MAP3K12: variants seen among roughly 807,000 people sequenced by gnomAD.
The protein encoded by MAP3K12 is mitogen-activated protein kinase kinase kinase 12.
MAP3K12 carries 14 observed loss-of-function variants against 87.5 expected under a neutral mutation model. That is an observed-to-expected ratio of 0.16 (90% CI 0.11 to 0.25). The LOEUF (loss-of-function observed/expected upper bound fraction) is 0.25, where lower values mean the gene tolerates loss of function less well. Among genes scored for constraint, MAP3K12 ranks in the 10% least tolerant of loss-of-function variants. MAP3K12 has a pLI of 1.00. For synonymous variants in MAP3K12, 469 were observed against 452.5 expected (o/e 1.04, Z -0.46); for missense variants, 802 against 1,140.4 (o/e 0.70, Z 4.27).
rs192118403 is a variant in MAP3K12, at chr12:53,496,566, C to T, written c.-38+2861G>A. On this transcript the variant is annotated intron_variant, in intron 1 of 13. Coordinates refer to ENST00000547488, the MANE Select transcript of MAP3K12 (RefSeq NM_001193511.2). ...TCAGATAGACCAGGAAGAAGTTCAG[C>T]GGATGTTAACAAATATAGTTCCTCA... Among the ~76,000 whole-genome samples, 43 of 152,248 alleles carry T rather than the reference C, an allele frequency of 2.8e-4. No homozygotes were observed. The East Asian group carries it at 5.4e-3, about 19-fold the overall frequency.
chr12:53,482,454 AG>A, intron 11 of MAP3K12, 85 bp from the exon 12 acceptor site: 1 of 1,606,040 alleles, frequency 6.2e-7, no homozygotes, highest in South Asian at 1.1e-5. Context: ...ATAGTTACGA[AG>A]GGTGAAGTAG....
chr12:53,501,189 C>G, upstream of MAP3K12: 1 of 581,870 alleles, frequency 1.7e-6, no homozygotes, highest in Non-Finnish European at 3.0e-6. Flanking sequence ...TGCAGCCTGC[C>G]CGGGCGAGCC....
Position 53,482,628 on chromosome 12 carries a change from C to T in MAP3K12, c.2175G>A (p.Arg725=). Residue 725 remains arginine, a synonymous_variant, in exon 11 of 14, where the codon CGG becomes CGA. Coordinates refer to ENST00000547488, the MANE Select transcript of MAP3K12 (RefSeq NM_001193511.2). The part of the protein sequence containing the change: ...REGTSGRGGS[R]AGSQHLTPAA... ...CTGGGGTCAAGTGCTGGGACCCAGCCCGGCTTCCTCCCCGGCCTGAGGTCC... is the reference window on the plus strand; with the variant it reads ...CTGGGGTCAAGTGCTGGGACCCAGCTCGGCTTCCTCCCCGGCCTGAGGTCC... The T allele has an allele frequency of 1.2e-6, 2 of 1,613,886 alleles. No homozygotes were observed. Among genetic ancestry groups the T allele is most frequent in the Non-Finnish European group, 1.7e-6 (2 of 1,180,014 alleles).
At chr12:53,489,759 T>A (rs1175155426) in intron 1 of MAP3K12, among the ~76,000 whole-genome samples, 1 of 152,194 alleles carries the variant, frequency 6.6e-6, no homozygotes, top group Non-Finnish European at 1.5e-5. Context: ...ATAGTTCTTG[T>A]AATAATTACC....
chr12:53,501,381 G>A (rs1943693989), upstream of MAP3K12: 1 of 1,555,646 alleles, frequency 6.4e-7, no homozygotes, highest in South Asian at 1.2e-5. Flanking sequence ...CTGCAGTCAC[G>A]GTGGCGCCCG....
rs1488088229 is a variant in MAP3K12, at chr12:53,486,824, G to T, written c.445+123C>A. The stretch of plus-strand genomic sequence containing the variant: ...GCTGGGAAGTTAGAGGCTGATGGAT[G>T]GCTAAGGGACTAGGGCTGGGCCATG... On this transcript the variant is annotated intron_variant, in intron 2 of 13. Transcript: ENST00000547488. The surrounding 1 kb of genome is among the most constrained non-coding windows in gnomAD (Gnocchi z 4.9). 3 of 1,519,786 alleles carry T rather than the reference G, an allele frequency of 2.0e-6. No individual in the cohort carries two copies. Among genetic ancestry groups the T allele is most frequent in the East Asian group, 2.3e-5 (1 of 43,584 alleles). The allele number at this position is 1,519,786 out of a possible 1,614,324, so 94.1% of individuals were successfully genotyped here.
At position 53,481,129 on chromosome 12, in the gene MAP3K12, A is replaced by G. The variant is rs1943021580; in HGVS notation, c.*53T>C. 3.0e-6 allele frequency: 2 copies of G among 671,240 alleles called. No individual in the cohort carries two copies. The highest frequency in any genetic ancestry group is 4.0e-6 in the Non-Finnish European group (2 of 494,678). The allele number at this position is 671,240 out of a possible 1,614,324, so 41.6% of individuals were successfully genotyped here. A position where few individuals can be genotyped will look rare whatever the true frequency, so the allele number is the denominator to read the frequency against. On this transcript the variant is annotated 3_prime_UTR_variant, in exon 14 of 14. Transcript: ENST00000547488. ...GGCGCATATATATATATATATGTAT[A>G]TATATATAATTTATATAAATATTTC...
chr12:53,497,240 T>TATA (rs778820388), intron 1 of MAP3K12, among the ~76,000 whole-genome samples: 1 of 152,242 alleles, frequency 6.6e-6, no homozygotes, highest in Non-Finnish European at 1.5e-5. Flanking sequence ...GGAAGCTCTC[T>TATA]ATAAGCATTA....
At position 53,482,866 on chromosome 12, in the gene MAP3K12, A is replaced by C; in HGVS notation, c.1937T>G (p.Leu646Arg). 2.5e-6 allele frequency: 4 copies of C among 1,612,914 alleles called. No individual in the cohort carries two copies. The highest frequency in any genetic ancestry group is 3.4e-6 in the Non-Finnish European group (4 of 1,179,622). Residue 646 changes from leucine to arginine, a missense_variant, in exon 11 of 14, where the codon CTG becomes CGG. This residue lies in a region of MAP3K12 where 490 missense variants were observed against 496.6 expected (regional missense o/e 0.99). Transcript: ENST00000547488. ...LRKMSSSSPDLLSAALGSRGR... is the reference protein window; with the variant it reads ...LRKMSSSSPDRLSAALGSRGR... Reference sequence around the variant, plus strand: ...CCGGGACCCTAGTGCTGCTGACAGCAGGTCTGGGGACGATGAAGACATTTT... The same window carrying C: ...CCGGGACCCTAGTGCTGCTGACAGCCGGTCTGGGGACGATGAAGACATTTT...
At position 53,485,130 on chromosome 12, in the gene MAP3K12, C is replaced by A; in HGVS notation, c.1065G>T (p.Val355=). 6.2e-7 allele frequency: 1 copy of A among 1,614,174 alleles called. No individual in the cohort carries two copies. The highest frequency in any genetic ancestry group is 8.5e-7 in the Non-Finnish European group (1 of 1,180,032). ...CGGGCAGATGGAGACTGTTGCTTCC[C>A]ACACCCCAGATAATGGCTGAGGAAT... is the stretch of plus-strand genomic sequence containing the variant. ...DVDSSAIIWG[V]GSNSLHLPVP... is the part of the protein sequence containing the mutation. Residue 355 remains valine (V), a synonymous_variant, in exon 6 of 14, where the codon GTG becomes GTT. Coordinates refer to ENST00000547488, the MANE Select transcript of MAP3K12 (RefSeq NM_001193511.2).
Position 53,486,139 on chromosome 12 carries a change from C to T in MAP3K12, c.738G>A (p.Leu246=). Residue 246 remains leucine, a synonymous_variant, in exon 4 of 14, where the codon CTG becomes CTA. Transcript: ENST00000547488. This position sits in a 1 kb window ranked among gnomAD's most constrained non-coding sequence, Gnocchi z 4.9. Reference sequence around the variant, plus strand: ...CAGCGATGCCCATGGACCAGTCAACCAGTAAGGAGGGGGTGACAGGGCGGC... The same window carrying T: ...CAGCGATGCCCATGGACCAGTCAACTAGTAAGGAGGGGGTGACAGGGCGGC... ...RAGRPVTPSL[L]VDWSMGIAGG... is the part of the protein sequence containing the mutation. 1 of 1,614,160 alleles carries T rather than the reference C, an allele frequency of 6.2e-7. No individual in the cohort carries two copies. Among genetic ancestry groups the T allele is most frequent in the South Asian group, 1.1e-5 (1 of 91,088 alleles).
Position 53,486,683 on chromosome 12 carries a change from A to G in MAP3K12, c.446-61T>C, listed in dbSNP as rs570068230. On this transcript the variant is annotated intron_variant, in intron 2 of 13. Coordinates refer to ENST00000547488, the MANE Select transcript of MAP3K12 (RefSeq NM_001193511.2). The surrounding 1 kb of genome is among the most constrained non-coding windows in gnomAD (Gnocchi z 4.9). ...AAGAGCCACACTCAAGGCCAGGGACAGGATAGCATTGGGTTGGCTGAATTG... is the reference window on the plus strand; with the variant it reads ...AAGAGCCACACTCAAGGCCAGGGACGGGATAGCATTGGGTTGGCTGAATTG... The G allele has an allele frequency of 1.0e-5, 15 of 1,495,164 alleles. 1 individual carries two copies. The South Asian group carries it at 1.8e-4, about 18-fold the overall frequency. 92.6% of individuals were successfully genotyped at this position (1,495,164 alleles called of 1,614,324 possible).
At chr12:53,491,472 C>T (rs1943403716) in intron 1 of MAP3K12, among the ~76,000 whole-genome samples, 1 of 148,304 alleles carries the variant, frequency 6.7e-6, no homozygotes. Flanking sequence ...CTTGCACTGT[C>T]ACCCAGGCTG....
chr12:53,494,244 G>A (rs1943491767), intron 1 of MAP3K12, among the ~76,000 whole-genome samples: 1 of 152,230 alleles, frequency 6.6e-6, no homozygotes, highest in Admixed American at 6.5e-5. Context: ...CATGGGGGAA[G>A]GGCAGCAATG....
chr12:53,482,698 A>C lies in MAP3K12; in HGVS notation c.2105T>G (p.Val702Gly), dbSNP rs751996575. 1 of 1,613,838 alleles carries C rather than the reference A, an allele frequency of 6.2e-7. No homozygotes were observed. Among genetic ancestry groups the C allele is most frequent in the Non-Finnish European group, 8.5e-7 (1 of 1,179,928 alleles). The change falls in exon 11 of 14, where the codon GTA (valine) becomes GGA (glycine). Residue 702 changes from valine (V) to glycine (G), a missense_variant. Val to Gly is a moderately radical substitution (Grantham distance 109). Around this residue, in one of 5 missense-constraint regions of MAP3K12, gnomAD observed 490 missense variants for 496.6 expected, o/e 0.99. Transcript: ENST00000547488. Reference protein sequence around the residue: ...GGAKGEPPPPVGPGEGVGLLG... With the variant: ...GGAKGEPPPPGGPGEGVGLLG... Reference sequence around the variant, plus strand: ...AAGCCCCACACCTTCACCAGGCCCTACTGGAGGAGGTGGTTCCCCTTTGGC... The same window carrying C: ...AAGCCCCACACCTTCACCAGGCCCTCCTGGAGGAGGTGGTTCCCCTTTGGC...
Position 53,481,139 on chromosome 12 carries a change from T to A in MAP3K12, c.*43A>T. Reference sequence around the variant, plus strand: ...TATATATATATGTATATATATATAATTTATATAAATATTTCTCTATGTACA... The same window carrying A: ...TATATATATATGTATATATATATAAATTATATAAATATTTCTCTATGTACA... On this transcript the variant is annotated 3_prime_UTR_variant, in exon 14 of 14. Coordinates refer to ENST00000547488, the MANE Select transcript of MAP3K12 (RefSeq NM_001193511.2). 2.5e-6 allele frequency: 2 copies of A among 797,982 alleles called. No individual in the cohort carries two copies. Among genetic ancestry groups the A allele is most frequent in the Non-Finnish European group, 3.4e-6 (2 of 595,436 alleles). 49.4% of individuals were successfully genotyped at this position (797,982 alleles called of 1,614,324 possible).
rs570769522 is a variant in MAP3K12, at chr12:53,486,935, G to A, written c.445+12C>T. The A allele has an allele frequency of 6.2e-7, 1 of 1,610,750 alleles. No homozygotes were observed. The highest frequency in any genetic ancestry group is 1.7e-5 in the Admixed American group (1 of 59,962). On this transcript the variant is annotated intron_variant, in intron 2 of 13. Transcript: ENST00000547488. The surrounding 1 kb of genome is among the most constrained non-coding windows in gnomAD (Gnocchi z 4.9). Reference sequence around the variant, plus strand: ...GAAACAGAGAGGAGGCTCCCACAAGGACGTGGCCTACCTTCCTGCTGCTGC... The same window carrying A: ...GAAACAGAGAGGAGGCTCCCACAAGAACGTGGCCTACCTTCCTGCTGCTGC...
chr12:53,483,884 A>G lies in MAP3K12; in HGVS notation c.1358+27T>C, dbSNP rs372609522. 9 of 1,612,824 alleles carry G rather than the reference A, an allele frequency of 5.6e-6. No homozygotes were observed. In the African/African-American group the frequency reaches 1.2e-4, roughly 22 times the overall value. On this transcript the variant is annotated intron_variant, in intron 8 of 13. Coordinates refer to ENST00000547488, the MANE Select transcript of MAP3K12 (RefSeq NM_001193511.2). ...GTGCATAGTCCTTGCTGTTAGTAAA[A>G]TCACCTCCCCAAGCACGGGAACTCA... is the stretch of plus-strand genomic sequence containing the variant.
intron 1 of MAP3K12, among the ~76,000 whole-genome samples, chr12:53,488,313 C>G (rs996315879): frequency 3.3e-5 from 5 of 152,210 alleles, no homozygotes; most frequent in African/African-American, 1.2e-4. Flanking sequence ...CTCTGCTCCC[C>G]AAACTTTCCA....
Sources: allele counts gnomAD v4.1 joint callset (sites outside exome capture counted in the v4.1 genomes callset), GRCh38; gene constraint gnomAD v4.1.1; regional missense constraint gnomAD v4.1.1; non-coding constraint Gnocchi (gnomAD v3.1); transcripts MANE v1.5; gene names NCBI Gene and HGNC (gene_info 2026-07-23, HGNC 2026-07-21).